Variants in PIN4 observed in about 807,000 individuals in gnomAD.
PIN4 encodes the protein peptidyl-prolyl cis-trans isomerase NIMA-interacting 4.
PIN4 carries 3 observed loss-of-function variants against 8.3 expected under a neutral mutation model. The observed-to-expected ratio is 0.36, with a 90% confidence interval of 0.16 to 0.93. The LOEUF is 0.93. Among genes scored for constraint, PIN4 ranks in the 40% least tolerant of loss-of-function variants. The pLI, the probability that PIN4 is intolerant of heterozygous loss-of-function variation, is 0.44. For synonymous variants in PIN4, 18 were observed against 32.5 expected (o/e 0.55, Z 1.52); for missense variants, 75 against 100.6 (o/e 0.75, Z 1.09).
In PIN4 at chrX:72,233,499, G is replaced by A. The variant is rs189627968; in HGVS notation, c.313-29208G>A. 5.9e-3 allele frequency among the ~76,000 whole-genome samples: 656 copies of A among 110,744 alleles called. 5 individuals carry two copies. Among genetic ancestry groups the A allele is most frequent in the African/African-American group, 0.02 (605 of 30,338 alleles). On this transcript the variant is annotated intron_variant, in intron 3 of 3. Transcript: ENST00000423432. ...AGCACTTTGGGAGGCCGAGGCAGGC[G>A]AATCACTGGTCAGGAGTTCAGGACC... is the stretch of plus-strand genomic sequence containing the variant.
intron 1 of PIN4, chrX:72,182,054 C>T (rs1253131191): frequency 7.1e-6 from 3 of 421,201 alleles, no homozygotes; most frequent in Admixed American, 4.1e-5. Flanking sequence ...TGACTTAGGG[C>T]TGCTATTTCA....
chrX:72,239,315 G>T (rs925228804), intron 3 of PIN4, among the ~76,000 whole-genome samples: 1 of 111,554 alleles, frequency 9.0e-6, no homozygotes, highest in African/African-American at 3.3e-5. Context: ...TATGATCCCA[G>T]TCATTGCGGC....
intron 3 of PIN4, among the ~76,000 whole-genome samples, chrX:72,227,517 A>G (rs772911023): frequency 2.2e-4 from 25 of 111,879 alleles, no homozygotes; most frequent in African/African-American, 8.1e-4. Flanking sequence ...CATGTATGGG[A>G]AACCACTGGC....
intron 3 of PIN4, among the ~76,000 whole-genome samples, chrX:72,261,992 C>A (rs150203006): frequency 0.02 from 2,194 of 110,632 alleles, 64 homozygotes; most frequent in African/African-American, 0.069. Flanking sequence ...CTCTCTAAGT[C>A]CCTTCAGATG....
chrX:72,231,311 C>G (rs910325009), intron 3 of PIN4, among the ~76,000 whole-genome samples: 2 of 111,541 alleles, frequency 1.8e-5, no homozygotes, highest in Non-Finnish European at 3.8e-5. Context: ...GTGAAATAAA[C>G]CAGGCACGGA....
downstream of PIN4, chrX:72,198,364 T>G: frequency 1.4e-6 from 1 of 725,520 alleles, no homozygotes. Context: ...TAACAGATTA[T>G]TTTAACACAC....
intron 3 of PIN4, among the ~76,000 whole-genome samples, chrX:72,238,285 C>A (rs1205782626): frequency 8.9e-6 from 1 of 111,835 alleles, no homozygotes; most frequent in Non-Finnish European, 1.9e-5. Flanking sequence ...CCACCCTTAG[C>A]CAACTGGTGA....
At chrX:72,209,141 T>C (rs2042837978) in intron 3 of PIN4, among the ~76,000 whole-genome samples, 1 of 111,476 alleles carries the variant, frequency 9.0e-6, no homozygotes, top group African/African-American at 3.3e-5. Context: ...TTCCTATAGA[T>C]TCCTTCTGGT....
At chrX:72,245,575 G>T (rs1387380053) in intron 3 of PIN4, among the ~76,000 whole-genome samples, 2 of 111,585 alleles carry the variant, frequency 1.8e-5, no homozygotes, top group Admixed American at 9.5e-5. Flanking sequence ...GGGGATAGAA[G>T]ATTGAGACTG....
chrX:72,207,234 A>G, intron 3 of PIN4: 1 of 1,211,912 alleles, frequency 8.3e-7, no homozygotes, highest in Non-Finnish European at 1.1e-6. Flanking sequence ...CCAAAAGATG[A>G]GTAACTGTCC....
chrX:72,236,274 T>A (rs1226191731), intron 3 of PIN4, among the ~76,000 whole-genome samples: 1 of 111,655 alleles, frequency 9.0e-6, no homozygotes. Context: ...GGCAACACAG[T>A]GAGACTTCAT....
chrX:72,237,467 G>A (rs997174085), intron 3 of PIN4, among the ~76,000 whole-genome samples: 3 of 111,376 alleles, frequency 2.7e-5, no homozygotes, highest in Non-Finnish European at 5.7e-5. Context: ...GTGTGTTAGC[G>A]GGCGCCTGTA....
chrX:72,214,688 A>T (rs990975033), intron 3 of PIN4, among the ~76,000 whole-genome samples: 12 of 106,945 alleles, frequency 1.1e-4, no homozygotes, highest in African/African-American at 4.1e-4. Context: ...AAAAAAAAAA[A>T]ACAAAACAAA....
At chrX:72,208,198 C>T (rs778615639) in intron 3 of PIN4, 1 of 1,211,430 alleles carries the variant, frequency 8.3e-7, no homozygotes, top group Non-Finnish European at 1.1e-6. Flanking sequence ...TTGCTGAATC[C>T]GATTGAGGTT....
intron 3 of PIN4, among the ~76,000 whole-genome samples, chrX:72,234,239 G>C (rs1378773165): frequency 8.9e-6 from 1 of 112,625 alleles, no homozygotes. Context: ...TGAAGCAGCA[G>C]TCAGTGAAGT....
intron 3 of PIN4, among the ~76,000 whole-genome samples, chrX:72,238,509 C>T (rs1265350975): frequency 8.9e-6 from 1 of 111,998 alleles, no homozygotes; most frequent in Non-Finnish European, 1.9e-5. Context: ...GGGCGGGGAC[C>T]TTGTTTTACT....
In PIN4 at chrX:72,197,369, G is replaced by T; in HGVS notation, c.239G>T (p.Gly80Val). The T allele has an allele frequency of 8.3e-7, 1 of 1,201,983 alleles. No individual in the cohort carries two copies. Among genetic ancestry groups the T allele is most frequent in the African/African-American group, 1.7e-5 (1 of 57,594 alleles). Residue 80 changes from glycine to valine, a missense_variant and splice_region_variant, in exon 4 of 4, where the codon GGT (glycine) becomes GTT (valine). Gly to Val is a moderately radical substitution (Grantham distance 109, BLOSUM62 -3). Transcript: ENST00000373669. ...TCACTTATCTTTTGGGTTTTTCAGG[G>T]TGACTTGGGTTGGATGACCAGAGGG... ...QYSEDKARQGGDLGWMTRGSM... is the reference protein window; with the variant it reads ...QYSEDKARQGVDLGWMTRGSM...
chrX:72,261,317 C>CAAAAA (rs2043139403), intron 3 of PIN4, among the ~76,000 whole-genome samples: 1 of 98,106 alleles, frequency 1.0e-5, no homozygotes, highest in African/African-American at 3.8e-5. Flanking sequence ...AAAAAAAAAC[C>CAAAAA]AAAATCTGGG....
chrX:72,232,273 TAAAAA>T (rs56070381), intron 3 of PIN4, among the ~76,000 whole-genome samples: 1 of 61,436 alleles, frequency 1.6e-5, no homozygotes, highest in African/African-American at 7.3e-5. Context: ...GAAGGAGTAT[TAAAAA>T]AAAAAAAAAA....
Sources: allele counts gnomAD v4.1 joint callset (sites outside exome capture counted in the v4.1 genomes callset), GRCh38; gene constraint gnomAD v4.1.1; transcripts MANE v1.5; gene names NCBI Gene and HGNC (gene_info 2026-07-23, HGNC 2026-07-21).